ASIC2: variants seen among roughly 807,000 people sequenced by gnomAD.
ASIC2 encodes the protein acid sensing ion channel subunit 2.
Under a neutral mutation model 57.3 loss-of-function variants are expected in ASIC2, and 25 were observed. The ratio of observed to expected loss-of-function variants is 0.44; its 90% CI spans 0.32 to 0.61. ASIC2 has a LOEUF of 0.61. Among genes scored for constraint, ASIC2 ranks in the 20% least tolerant of loss-of-function variants. ASIC2 has a pLI of 0.06. For synonymous variants in ASIC2, 319 were observed against 307.5 expected, an observed-to-expected ratio of 1.04 and a Z score of -0.39; for missense variants, 641 against 738.1, an observed-to-expected ratio of 0.87 and a Z score of 1.52.
intron 1 of ASIC2, among the ~76,000 whole-genome samples, chr17:33,900,111 A>G (rs1780770586): frequency 6.6e-6 from 1 of 152,244 alleles, no homozygotes; most frequent in Admixed American, 6.5e-5. Context: ...CGCACATAGT[A>G]GACACTAAGC....
At position 33,884,763 on chromosome 17, in the gene ASIC2, C is replaced by A. The variant is rs577554779; in HGVS notation, c.555+271215G>T. On this transcript the variant is annotated intron_variant, in intron 1 of 9. Transcript: ENST00000359872. ...AGATTCACTCTTTGACTTGCCTCTT[C>A]AAAACCCTTCAATGGTTCCCTGAAG... Among the ~76,000 whole-genome samples the A allele has an allele frequency of 4.7e-3, 715 of 150,860 alleles. 2 individuals are homozygous for A. The highest frequency in any genetic ancestry group is 7.9e-3 in the Non-Finnish European group (537 of 67,686).
chr17:33,176,557 G>T (rs942328550), intron 1 of ASIC2, among the ~76,000 whole-genome samples: 2 of 152,122 alleles, frequency 1.3e-5, no homozygotes, highest in African/African-American at 4.8e-5. Flanking sequence ...GCCCAGGCTG[G>T]GGTCTTGAAT....
intron 1 of ASIC2, among the ~76,000 whole-genome samples, chr17:33,909,360 TAA>T (rs1224395816): frequency 6.6e-6 from 1 of 152,170 alleles, no homozygotes; most frequent in Non-Finnish European, 1.5e-5. Flanking sequence ...TTTTTGAAAA[TAA>T]AAGAAGCAAT....
chr17:33,441,601 C>A (rs1039952612), intron 1 of ASIC2, among the ~76,000 whole-genome samples: 1 of 152,148 alleles, frequency 6.6e-6, no homozygotes, highest in South Asian at 2.1e-4. Context: ...AGGTCATTCT[C>A]ACCTCCTTCC....
intron 1 of ASIC2, among the ~76,000 whole-genome samples, chr17:33,923,578 A>G (rs1915755675): frequency 6.6e-6 from 1 of 152,184 alleles, no homozygotes; most frequent in Non-Finnish European, 1.5e-5. Flanking sequence ...GCTGGACCTT[A>G]CAATTATTTA....
At chr17:34,021,748 T>G (rs762352802) in intron 1 of ASIC2, among the ~76,000 whole-genome samples, 1 of 152,026 alleles carries the variant, frequency 6.6e-6, no homozygotes, top group Non-Finnish European at 1.5e-5. Flanking sequence ...AAAATACTGA[T>G]GCCCAGACCC....
intron 1 of ASIC2, among the ~76,000 whole-genome samples, chr17:33,704,137 A>G (rs1908791665): frequency 6.6e-6 from 1 of 152,202 alleles, no homozygotes; most frequent in Admixed American, 6.5e-5. Context: ...CACGGTGACC[A>G]TACAGTCAAC....
At chr17:33,525,950 C>T (rs374438963) in intron 1 of ASIC2, among the ~76,000 whole-genome samples, 12 of 152,148 alleles carry the variant, frequency 7.9e-5, no homozygotes, top group African/African-American at 1.9e-4. Flanking sequence ...TCTTTCCACT[C>T]GTGGGTATCT....
rs141461597 is a variant in ASIC2, at chr17:33,278,795, G to A, written c.708+12613C>T. On this transcript the variant is annotated intron_variant, in intron 1 of 9. Transcript: ENST00000225823. ...GTGGAACTATCCTTTTTCCTGTTTC[G>A]ACAATTCAATATTCAGACAGGGAAC... Among the ~76,000 whole-genome samples, 1,230 of 151,606 alleles carry A rather than the reference G, an allele frequency of 8.1e-3. 21 individuals are homozygous for A. The highest frequency in any genetic ancestry group is 0.028 in the African/African-American group (1,174 of 41,302).
At chr17:34,038,218 A>G in intron 1 of ASIC2, 1 of 1,612,148 alleles carries the variant, frequency 6.2e-7, no homozygotes, top group Non-Finnish European at 8.5e-7. Context: ...AAGCATTCAC[A>G]ATCTGCATGA....
intron 1 of ASIC2, among the ~76,000 whole-genome samples, chr17:34,059,910 C>G (rs1194866941): frequency 6.6e-6 from 1 of 152,188 alleles, no homozygotes; most frequent in Non-Finnish European, 1.5e-5. Flanking sequence ...CCCTACCCAC[C>G]CTGGTAGCAA....
intron 3 of ASIC2, among the ~76,000 whole-genome samples, chr17:33,087,307 C>T (rs1345674299): frequency 6.6e-6 from 1 of 152,154 alleles, no homozygotes; most frequent in Non-Finnish European, 1.5e-5. Flanking sequence ...TTGGTTTCTA[C>T]CTTGCATACC....
intron 1 of ASIC2, among the ~76,000 whole-genome samples, chr17:33,133,907 A>G (rs914449634): frequency 1.1e-4 from 17 of 152,216 alleles, no homozygotes; most frequent in Admixed American, 5.2e-4. Flanking sequence ...AAAAGGGATC[A>G]AATCGTCAAC....
chr17:33,351,115 A>G (rs1343101182), intron 1 of ASIC2, among the ~76,000 whole-genome samples: 4 of 152,192 alleles, frequency 2.6e-5, no homozygotes, highest in Non-Finnish European at 4.4e-5. Flanking sequence ...GTGACTTGAC[A>G]AGGTACTTGA....
At chr17:33,787,591 A>AATTGAGCAAAG (rs1311764468) in intron 1 of ASIC2, among the ~76,000 whole-genome samples, 5 of 152,100 alleles carry the variant, frequency 3.3e-5, no homozygotes, top group Non-Finnish European at 7.4e-5. Flanking sequence ...ATGAAAGAAA[A>AATTGAGCAAAG]ATTGAGCAAA....
chr17:33,945,311 ATT>A (rs56329459), intron 1 of ASIC2, among the ~76,000 whole-genome samples: 2 of 146,628 alleles, frequency 1.4e-5, no homozygotes, highest in African/African-American at 5.0e-5. Context: ...GGGCTTGCCC[ATT>A]TTTTTTTTTT....
At chr17:33,245,091 A>G (rs1194599036) in intron 1 of ASIC2, among the ~76,000 whole-genome samples, 2 of 152,244 alleles carry the variant, frequency 1.3e-5, no homozygotes, top group East Asian at 1.9e-4. Context: ...CATCATCATT[A>G]TAACTGTATG....
rs145289741 is a variant in ASIC2 at position 34,058,332 on chromosome 17, C to T, written c.555+97646G>A. 1.8e-4 allele frequency among the ~76,000 whole-genome samples: 27 copies of T among 152,212 alleles called. 1 individual carries two copies. In the East Asian group the frequency reaches 3.3e-3, roughly 19 times the overall value. On this transcript the variant is annotated intron_variant, in intron 1 of 9. Transcript: ENST00000359872. Reference sequence around the variant, plus strand: ...CACCTCACTGGGTCATCTCACCTTCCGAACCAAGCTTATCAACAGTAGATT... The same window carrying T: ...CACCTCACTGGGTCATCTCACCTTCTGAACCAAGCTTATCAACAGTAGATT...
chr17:33,436,880 T>TTTTTTTTG (rs1186285987), intron 1 of ASIC2, among the ~76,000 whole-genome samples: 2 of 130,468 alleles, frequency 1.5e-5, no homozygotes, highest in African/African-American at 5.8e-5. Flanking sequence ...TTTTTTTTTT[T>TTTTTTTTG]TTTGAGACGG....
Sources: allele counts gnomAD v4.1 joint callset (sites outside exome capture counted in the v4.1 genomes callset), GRCh38; gene constraint gnomAD v4.1.1; transcripts MANE v1.5; gene names NCBI Gene and HGNC (gene_info 2026-07-23, HGNC 2026-07-21).